The following CDK12 variants were observed in gnomAD, a reference collection of about 807,000 sequenced individuals.
CDK12 encodes the protein cyclin dependent kinase 12, also known as cyclin-dependent kinase 12.
Under a neutral mutation model 133.8 loss-of-function variants are expected in CDK12, and 17 were observed. That is an observed-to-expected ratio of 0.13 (90% CI 0.09 to 0.19). The LOEUF is 0.19. Ranked by LOEUF, CDK12 falls within the 10% of genes least tolerant of loss-of-function variation. The pLI is 1.00. For synonymous variants in CDK12, 694 were observed against 683.6 expected, an observed-to-expected ratio of 1.02 and a Z score of -0.24; for missense variants, 1,508 against 1,818.7, an observed-to-expected ratio of 0.83 and a Z score of 3.11.
In CDK12 at chr17:39,462,961, G is replaced by A; in HGVS notation, c.890G>A (p.Arg297Lys). The A allele has an allele frequency of 6.2e-7, 1 of 1,614,198 alleles. No individual in the cohort carries two copies. Among genetic ancestry groups the A allele is most frequent in the Non-Finnish European group, 8.5e-7 (1 of 1,180,036 alleles). The stretch of plus-strand genomic sequence containing the variant: ...ACCCGGTCACCGAGCCCCTACAGTA[G>A]GCGACAGAGATCTGTCAGTCCCTAT... ...SSTRSPSPYS[R>K]RQRSVSPYSR... Residue 297 changes from arginine (R) to lysine (K), a missense_variant, in exon 1 of 14, where the codon AGG becomes AAG. Transcript: ENST00000447079.
At chr17:39,523,872 C>T (rs997055412) in intron 11 of CDK12, among the ~76,000 whole-genome samples, 3 of 152,094 alleles carry the variant, frequency 2.0e-5, no homozygotes, top group African/African-American at 7.2e-5. Flanking sequence ...AGGCTAGTCT[C>T]GAACTCCTGA....
rs200099855 is a variant in CDK12, at chr17:39,531,269, A to G, written c.4426A>G (p.Thr1476Ala). Reference sequence around the variant, plus strand: ...TTATGGAAAACTCTATCGGGGGCCTACAAGAGTCCCACCAAGAGGGGGAAG... The same window carrying G: ...TTATGGAAAACTCTATCGGGGGCCTGCAAGAGTCCCACCAAGAGGGGGAAG... ...SAYGKLYRGPTRVPPRGGRGR... is the reference protein window; with the variant it reads ...SAYGKLYRGPARVPPRGGRGR... Residue 1476 changes from threonine (T) to alanine (A), a missense_variant, in exon 14 of 14, where the codon ACA becomes GCA. Thr to Ala is a moderately conservative substitution (Grantham distance 58). Around this residue, in one of 9 missense-constraint regions of CDK12, gnomAD observed 114 missense variants for 101.2 expected, o/e 1.13. Transcript: ENST00000447079. 4.9e-4 allele frequency: 739 copies of G among 1,505,340 alleles called. No individual in the cohort carries two copies. The highest frequency in any genetic ancestry group is 5.6e-4 in the Non-Finnish European group (636 of 1,130,368). The allele number at this position is 1,505,340 out of a possible 1,614,324, so 93.2% of individuals were successfully genotyped here.
chr17:39,505,944 A>G (rs1327880407), intron 6 of CDK12, among the ~76,000 whole-genome samples: 1 of 152,202 alleles, frequency 6.6e-6, no homozygotes, highest in African/African-American at 2.4e-5. Flanking sequence ...AGATGGAAGT[A>G]AGTTTACTGG....
rs2146846256 is a variant in CDK12 at position 39,531,120 on chromosome 17, G to A, written c.4277G>A (p.Ser1426Asn). ...CAACCATTCCTGAAGGCTGAGGGAA[G>A]CAGCAATTCTGTGGTACATGCAGAG... ...VGQPFLKAEG[S>N]SNSVVHAETK... Residue 1426 changes from serine (S) to asparagine (N), a missense_variant, in exon 14 of 14, where the codon AGC (serine) becomes AAC (asparagine). Ser to Asn is a conservative substitution (Grantham distance 46). Transcript: ENST00000447079. 1.3e-6 allele frequency: 2 copies of A among 1,570,942 alleles called. No homozygotes were observed. The highest frequency in any genetic ancestry group is 4.5e-5 in the East Asian group (2 of 44,614).
intron 2 of CDK12, among the ~76,000 whole-genome samples, chr17:39,487,653 G>A (rs940456904): frequency 3.5e-5 from 4 of 114,706 alleles, no homozygotes; most frequent in African/African-American, 1.0e-4. Flanking sequence ...GTCTTGCCCT[G>A]TCACCCAGGC....
chr17:39,476,711 C>CATTTTTTTTTTTTTTTTTTT lies in CDK12; in HGVS notation c.1931+4948_1931+4949insATTTTTTTTTTTTTTTTTTT, dbSNP rs1555553398. ...TACAGGCATGAGCCACCATGCCTGC[C>CATTTTTTTTTTTTTTTTTTT]TTTTTTTTTTTTTTTTTTTTTTTTT... On this transcript the variant is annotated intron_variant, in intron 2 of 13. Transcript: ENST00000447079. Among the ~76,000 whole-genome samples the CATTTTTTTTTTTTTTTTTTT allele has an allele frequency of 1.1e-3, 96 of 84,534 alleles. 23 individuals are homozygous for CATTTTTTTTTTTTTTTTTTT. Among genetic ancestry groups the CATTTTTTTTTTTTTTTTTTT allele is most frequent in the East Asian group, 2.3e-3 (6 of 2,660 alleles). 55.5% of individuals were successfully genotyped at this position (84,534 alleles called of 152,430 possible).
intron 2 of CDK12, among the ~76,000 whole-genome samples, chr17:39,488,205 G>C (rs1355643868): frequency 6.6e-6 from 1 of 151,404 alleles, no homozygotes; most frequent in African/African-American, 2.4e-5. Flanking sequence ...TTGCATTCCA[G>C]CCTGGGCAAC....
intron 11 of CDK12, among the ~76,000 whole-genome samples, chr17:39,524,350 C>A (rs1383195438): frequency 7.9e-5 from 12 of 152,208 alleles, no homozygotes; most frequent in African/African-American, 1.4e-4. Context: ...TGAAACTTGA[C>A]CAATACTGTT....
intron 3 of CDK12, among the ~76,000 whole-genome samples, chr17:39,557,903 CTCTT>C (rs902373666): frequency 6.6e-6 from 1 of 152,184 alleles, no homozygotes; most frequent in African/African-American, 2.4e-5. Flanking sequence ...TTCACTTAAC[CTCTT>C]TGAGTCCTAG....
At chr17:39,536,713 C>G (rs2055148775), downstream of CDK12, among the ~76,000 whole-genome samples, 1 of 152,118 alleles carries the variant, frequency 6.6e-6, no homozygotes, top group Non-Finnish European at 1.5e-5. Context: ...ACTGGGGTGC[C>G]AAAACACTTT....
intron 6 of CDK12, among the ~76,000 whole-genome samples, chr17:39,502,671 G>T (rs1293556424): frequency 6.6e-6 from 1 of 152,102 alleles, no homozygotes; most frequent in Non-Finnish European, 1.5e-5. Context: ...ATTTATTAAG[G>T]TCAATTTTTT....
rs2145199370 is a variant in CDK12 at position 39,471,394 on chromosome 17, C to T, written c.1562C>T (p.Ser521Leu). ...EIVTPKETET[S>L]EKETPPPLPT... ...GTTACTCCAAAGGAGACAGAAACATCAGAAAAGGAGACCCCTCCACCTCTT... is the reference window on the plus strand; with the variant it reads ...GTTACTCCAAAGGAGACAGAAACATTAGAAAAGGAGACCCCTCCACCTCTT... The change falls in exon 2 of 14, where the codon TCA becomes TTA. Residue 521 changes from serine to leucine, a missense_variant. This residue lies in a region of CDK12 where 347 missense variants were observed against 330.8 expected (regional missense o/e 1.05). Coordinates refer to ENST00000447079, the MANE Select transcript of CDK12 (RefSeq NM_016507.4). 1 of 1,614,064 alleles carries T rather than the reference C, an allele frequency of 6.2e-7. No individual in the cohort carries two copies. Among genetic ancestry groups the T allele is most frequent in the Non-Finnish European group, 8.5e-7 (1 of 1,180,002 alleles).
chr17:39,503,838 C>A (rs1460595114), intron 6 of CDK12, among the ~76,000 whole-genome samples: 1 of 152,070 alleles, frequency 6.6e-6, no homozygotes, highest in Non-Finnish European at 1.5e-5. Flanking sequence ...GAACAGGTGG[C>A]AAGAGAGAGA....
At chr17:39,498,318 G>C (rs2052302312) in intron 5 of CDK12, among the ~76,000 whole-genome samples, 1 of 151,916 alleles carries the variant, frequency 6.6e-6, no homozygotes, top group Non-Finnish European at 1.5e-5. Context: ...TCCACCTCCT[G>C]GGTTCAAGCA....
chr17:39,496,912 C>CTTTTTTTTTTT (rs71147349), intron 5 of CDK12, among the ~76,000 whole-genome samples: 9 of 87,832 alleles, frequency 1.0e-4, no homozygotes, highest in African/African-American at 4.3e-4. Flanking sequence ...TTCAGTATAT[C>CTTTTTTTTTTT]TTTTTTTTTT....
chr17:39,477,706 G>A (rs1394846307), intron 2 of CDK12, among the ~76,000 whole-genome samples: 1 of 151,634 alleles, frequency 6.6e-6, no homozygotes, highest in East Asian at 1.9e-4. Context: ...CCGAGTAGCT[G>A]GGACTACAGG....
At chr17:39,563,852 CT>C (rs777162093) in intron 3 of CDK12, among the ~76,000 whole-genome samples, 200 of 152,276 alleles carry the variant, frequency 1.3e-3, no homozygotes, top group Non-Finnish European at 1.7e-3. Context: ...TAACACTCTG[CT>C]TGTGGTCATA....
At chr17:39,475,939 A>G (rs1402546306) in intron 2 of CDK12, among the ~76,000 whole-genome samples, 2 of 152,104 alleles carry the variant, frequency 1.3e-5, no homozygotes, top group Non-Finnish European at 2.9e-5. Context: ...ATATTTTTAT[A>G]GTTTTTGTTG....
chr17:39,475,456 G>A (rs998653518), intron 2 of CDK12, among the ~76,000 whole-genome samples: 1 of 151,926 alleles, frequency 6.6e-6, no homozygotes, highest in Non-Finnish European at 1.5e-5. Flanking sequence ...TTGTGTGAAA[G>A]AGACCCTGTC....
Sources: allele counts gnomAD v4.1 joint callset (sites outside exome capture counted in the v4.1 genomes callset), GRCh38; gene constraint gnomAD v4.1.1; regional missense constraint gnomAD v4.1.1; transcripts MANE v1.5; gene names NCBI Gene and HGNC (gene_info 2026-07-23, HGNC 2026-07-21).